Variants in STAU1 observed in about 807,000 individuals in gnomAD.
STAU1 encodes double-stranded RNA-binding protein Staufen homolog 1.
STAU1 carries 13 observed loss-of-function variants against 62.9 expected under a neutral mutation model. The observed-to-expected ratio is 0.21, with a 90% CI of 0.13 to 0.33. The LOEUF (loss-of-function observed/expected upper bound fraction) is 0.33. Among genes scored for constraint, STAU1 ranks in the 10% least tolerant of loss-of-function variants. The probability of loss-of-function intolerance (pLI) is 1.00; values close to 1 mark genes in which losing one functional copy is unlikely to be tolerated. For missense variants in STAU1, 571 were observed against 712.1 expected (o/e 0.80, Z 2.25); for synonymous variants, 269 against 265.1 (o/e 1.01, Z -0.14).
intron 1 of STAU1, among the ~76,000 whole-genome samples, chr20:49,175,977 G>A (rs1203878808): frequency 6.6e-6 from 1 of 151,716 alleles, no homozygotes; most frequent in Non-Finnish European, 1.5e-5. Flanking sequence ...TGTATTTTTA[G>A]TAGAGACGGG....
chr20:49,213,270 A>T, the STAU1 span, among the ~76,000 whole-genome samples: 2 of 151,566 alleles, frequency 1.3e-5, no homozygotes, highest in Non-Finnish European at 2.9e-5. Flanking sequence ...TCTCTCTGTC[A>T]CCCAGGCTGG....
At chr20:49,134,791 C>A (rs1600676951) in intron 6 of STAU1, 1 of 1,272,104 alleles carries the variant, frequency 7.9e-7, no homozygotes, top group East Asian at 2.3e-5. Context: ...TTAGTTTTCC[C>A]ATTCCTGGAG....
At chr20:49,138,654 C>A (rs2092942163) in intron 5 of STAU1, among the ~76,000 whole-genome samples, 1 of 152,020 alleles carries the variant, frequency 6.6e-6, no homozygotes, top group African/African-American at 2.4e-5. Context: ...GGCATAGGCA[C>A]CACTCCCAGC....
Position 49,186,198 on chromosome 20 carries a change from T to C in STAU1, c.-160+1918A>G, listed in dbSNP as rs1262654185. On this transcript the variant is annotated intron_variant, in intron 1 of 13. Coordinates refer to ENST00000371856, the MANE Select transcript of STAU1 (RefSeq NM_017453.4). ...CCGTCTCTACGAAAACTACAAAAATTAACACGGCGCGGTGGCGGGCGTCTG... is the reference window on the plus strand; with the variant it reads ...CCGTCTCTACGAAAACTACAAAAATCAACACGGCGCGGTGGCGGGCGTCTG... Among the ~76,000 whole-genome samples the C allele has an allele frequency of 2.6e-5, 4 of 151,700 alleles. No homozygotes were observed. The East Asian group carries it at 7.8e-4, about 30-fold the overall frequency.
intron 1 of STAU1, among the ~76,000 whole-genome samples, chr20:49,182,949 TTA>T (rs199905086): frequency 0.017 from 2,640 of 152,304 alleles, 32 homozygotes; most frequent in Non-Finnish European, 0.026. Context: ...ATAAACTTTG[TTA>T]TATGTTTGAA....
At chr20:49,161,635 T>A (rs2093449705) in intron 3 of STAU1, among the ~76,000 whole-genome samples, 1 of 152,152 alleles carries the variant, frequency 6.6e-6, no homozygotes. Context: ...AACTAACTCA[T>A]TCACAAGACA....
At chr20:49,211,620 G>T in the STAU1 span, among the ~76,000 whole-genome samples, 1 of 151,998 alleles carries the variant, frequency 6.6e-6, no homozygotes, top group Non-Finnish European at 1.5e-5. Context: ...TGATTCTCCT[G>T]TCTCGGCCTC....
intron 6 of STAU1, among the ~76,000 whole-genome samples, chr20:49,133,765 G>C (rs542272755): frequency 6.6e-6 from 1 of 152,330 alleles, no homozygotes; most frequent in Admixed American, 6.5e-5. Flanking sequence ...GGGCAGGAAT[G>C]AGTGTCAGAG....
intron 6 of STAU1, among the ~76,000 whole-genome samples, chr20:49,126,588 C>CAAAAAAAAAAAAAA: frequency 1.8e-5 from 1 of 56,346 alleles, no homozygotes; most frequent in Non-Finnish European, 3.7e-5. Context: ...AAAAAAAAAA[C>CAAAAAAAAAAAAAA]AAAAAAAAAA....
upstream of STAU1, among the ~76,000 whole-genome samples, chr20:49,188,831 TC>T (rs1432205770): frequency 6.6e-6 from 1 of 152,146 alleles, no homozygotes; most frequent in East Asian, 1.9e-4. Context: ...CTGACAAAAA[TC>T]CCTGCCCTCG....
chr20:49,153,764 A>G (rs1264398958), intron 4 of STAU1, among the ~76,000 whole-genome samples, 169 bp downstream of exon 4: 1 of 149,684 alleles, frequency 6.7e-6, no homozygotes, highest in Non-Finnish European at 1.5e-5. Context: ...AAAAAAGAAA[A>G]GGCGGGGGAG....
At chr20:49,197,048 G>A in the STAU1 span, among the ~76,000 whole-genome samples, 82 of 151,982 alleles carry the variant, frequency 5.4e-4, no homozygotes, top group African/African-American at 1.8e-3. Flanking sequence ...CCAGCTACTC[G>A]GGAGGCTGAG....
intron 3 of STAU1, among the ~76,000 whole-genome samples, chr20:49,157,934 A>G (rs989046970): frequency 5.9e-5 from 9 of 152,030 alleles, no homozygotes; most frequent in African/African-American, 1.9e-4. Flanking sequence ...AAGTTCTCAA[A>G]GTAATTCTGA....
At chr20:49,133,253 AG>A (rs1444747313) in intron 6 of STAU1, among the ~76,000 whole-genome samples, 2 of 152,222 alleles carry the variant, frequency 1.3e-5, no homozygotes, top group African/African-American at 2.4e-5. Flanking sequence ...GCAATCTCTA[AG>A]TTTCCAGAAA....
intron 6 of STAU1, among the ~76,000 whole-genome samples, chr20:49,130,969 G>A (rs2092736317): frequency 6.6e-6 from 1 of 152,164 alleles, no homozygotes; most frequent in Non-Finnish European, 1.5e-5. Flanking sequence ...GGAACCACCG[G>A]GGAGACCTGT....
intron 10 of STAU1, 117 bp from the exon 11 acceptor site, chr20:49,118,213 A>G (rs2092378063): frequency 7.3e-7 from 1 of 1,376,844 alleles, no homozygotes; most frequent in Admixed American, 1.8e-5. Flanking sequence ...GCAGGGAATC[A>G]GGGAATGATA....
chr20:49,135,910 C>T lies in STAU1; in HGVS notation c.532G>A (p.Glu178Lys), dbSNP rs1387952032. The change falls in exon 6 of 14, where the codon GAA becomes AAA. Residue 178 changes from glutamate (E) to lysine (K), a missense_variant. Physicochemically the swap from Glu to Lys is moderately conservative, Grantham distance 56. Coordinates refer to ENST00000371856, the MANE Select transcript of STAU1 (RefSeq NM_017453.4). ...RLEVNGRESE[E>K]ENLNKSEISQ... ...ATTTCAGATTTATTGAGATTTTCTT[C>T]TTCGGATTCTCTTCCATTCACCTGT... The T allele has an allele frequency of 3.1e-6, 5 of 1,613,554 alleles. No homozygotes were observed. The highest frequency in any genetic ancestry group is 4.2e-6 in the Non-Finnish European group (5 of 1,179,822).
At chr20:49,150,142 C>T (rs2093217270) in intron 5 of STAU1, among the ~76,000 whole-genome samples, 1 of 152,046 alleles carries the variant, frequency 6.6e-6, no homozygotes, top group Non-Finnish European at 1.5e-5. Flanking sequence ...ATGCTTTGAC[C>T]CCTCAATGGC....
rs776565545 is a variant in STAU1 at position 49,119,976 on chromosome 20, A to G, written c.1113+6T>C. 6 of 1,613,446 alleles carry G rather than the reference A, an allele frequency of 3.7e-6. No homozygotes were observed. Among genetic ancestry groups the G allele is most frequent in the Non-Finnish European group, 5.1e-6 (6 of 1,179,632 alleles). ...ATCTTGCAATCAGAGAGCCCACAGC[A>G]CTCACCTTCTCCTCTGACTTGAGTG... On this transcript the variant is annotated splice_donor_region_variant and intron_variant, in intron 9 of 13. Transcript: ENST00000371856.
Sources: gnomAD v4.1 joint callset for allele counts (sites outside exome capture counted in the v4.1 genomes callset) on GRCh38, gnomAD v4.1.1 for gene constraint, MANE v1.5 for transcripts, NCBI Gene and HGNC (gene_info 2026-07-23, HGNC 2026-07-21) for gene names.